Variants in CYRIA observed in about 807,000 individuals in gnomAD.
CYRIA encodes the protein CYFIP related Rac1 interactor A.
CYRIA carries 15 observed loss-of-function variants against 43.9 expected under a neutral mutation model. The observed-to-expected ratio is 0.34, with a 90% confidence interval of 0.23 to 0.53. The LOEUF is 0.53. Ranked by LOEUF, CYRIA falls within the 20% of genes least tolerant of loss-of-function variation. CYRIA has a pLI of 0.94. For missense variants in CYRIA, 236 were observed against 394.2 expected (o/e 0.60, Z 3.40); for synonymous variants, 117 against 136.0 (o/e 0.86, Z 0.97).
At chr2:16,585,566 C>T (rs957233797) in intron 3 of CYRIA, among the ~76,000 whole-genome samples, 1 of 152,080 alleles carries the variant, frequency 6.6e-6, no homozygotes, top group Non-Finnish European at 1.5e-5. Context: ...GCTCTAGCCC[C>T]AGTAATAAGC....
At chr2:16,560,785 C>A (rs1201403932) in intron 9 of CYRIA, 3 of 582,634 alleles carry the variant, frequency 5.1e-6, no homozygotes, top group African/African-American at 1.9e-5. Flanking sequence ...GGAAGTCAGT[C>A]AACCACTTTG....
intron 11 of CYRIA, among the ~76,000 whole-genome samples, chr2:16,553,339 G>C (rs1490606694): frequency 2.6e-5 from 4 of 152,216 alleles, no homozygotes; most frequent in East Asian, 1.9e-4. Context: ...TTTCAGAATA[G>C]AGATTTGCAT....
At chr2:16,573,588 G>C (rs1292718321) in intron 3 of CYRIA, among the ~76,000 whole-genome samples, 1 of 152,220 alleles carries the variant, frequency 6.6e-6, no homozygotes, top group Non-Finnish European at 1.5e-5. Context: ...GATTTCCCAC[G>C]TGTTGTGGGA....
At chr2:16,633,560 TTTTTTTTTTTTTC>T (rs898479516) in intron 1 of CYRIA, among the ~76,000 whole-genome samples, 4 of 102,438 alleles carry the variant, frequency 3.9e-5, no homozygotes, top group African/African-American at 1.1e-4. Flanking sequence ...TTTTTTTTTT[TTTTTTTTTTTTTC>T]TGTAGAGAAG....
intron 1 of CYRIA, among the ~76,000 whole-genome samples, chr2:16,660,604 C>A (rs1670227936): frequency 6.6e-6 from 1 of 152,196 alleles, no homozygotes; most frequent in Admixed American, 6.5e-5. Context: ...CAACACAGAG[C>A]AAGAACCCAC....
intron 3 of CYRIA, among the ~76,000 whole-genome samples, chr2:16,585,869 T>C (rs1667712945): frequency 6.6e-6 from 1 of 152,148 alleles, no homozygotes; most frequent in Non-Finnish European, 1.5e-5. Flanking sequence ...AATCTGATGC[T>C]CAGGAGAATA....
At chr2:16,598,285 C>A (rs1387612498) in intron 2 of CYRIA, among the ~76,000 whole-genome samples, 4 of 80,754 alleles carry the variant, frequency 5.0e-5, no homozygotes, top group African/African-American at 7.1e-5. Context: ...GCCTGCCTTG[C>A]TAGATTGGGG....
At chr2:16,601,672 T>C (rs1324374479) in intron 2 of CYRIA, among the ~76,000 whole-genome samples, 3 of 148,612 alleles carry the variant, frequency 2.0e-5, no homozygotes, top group Non-Finnish European at 4.4e-5. Context: ...AAACCATGAC[T>C]CTCTTTAAGA....
At chr2:16,648,857 A>G (rs1217501733) in intron 1 of CYRIA, among the ~76,000 whole-genome samples, 1 of 152,206 alleles carries the variant, frequency 6.6e-6, no homozygotes, top group Non-Finnish European at 1.5e-5. Flanking sequence ...ATATTTCCCA[A>G]TAAATATTGA....
At chr2:16,645,090 C>G (rs1179682167) in intron 1 of CYRIA, among the ~76,000 whole-genome samples, 1 of 152,196 alleles carries the variant, frequency 6.6e-6, no homozygotes, top group Non-Finnish European at 1.5e-5. Context: ...GTTTCAGGGA[C>G]AATCCATAGG....
chr2:16,642,234 T>C (rs1429675449), intron 1 of CYRIA, among the ~76,000 whole-genome samples: 1 of 152,164 alleles, frequency 6.6e-6, no homozygotes, highest in Non-Finnish European at 1.5e-5. Context: ...TACACTCCAA[T>C]GCCTAACTCA....
chr2:16,636,254 T>C (rs1455967463), intron 1 of CYRIA, among the ~76,000 whole-genome samples: 1 of 152,058 alleles, frequency 6.6e-6, no homozygotes, highest in Non-Finnish European at 1.5e-5. Flanking sequence ...TCCCTGAAGA[T>C]CTGAATCTGA....
chr2:16,607,692 G>A (rs1668456064), intron 2 of CYRIA, among the ~76,000 whole-genome samples: 1 of 152,234 alleles, frequency 6.6e-6, no homozygotes, highest in South Asian at 2.1e-4. Flanking sequence ...AGGTTCCCGG[G>A]TTCAAGCGAT....
chr2:16,600,685 TA>T (rs1190801376), intron 2 of CYRIA, among the ~76,000 whole-genome samples: 2 of 152,224 alleles, frequency 1.3e-5, no homozygotes, highest in Non-Finnish European at 2.9e-5. Context: ...TAATTATAGT[TA>T]TTACTACTAT....
At chr2:16,607,680 C>G (rs1282919954) in intron 2 of CYRIA, among the ~76,000 whole-genome samples, 1 of 152,064 alleles carries the variant, frequency 6.6e-6, no homozygotes, top group Non-Finnish European at 1.5e-5. Context: ...CCTCTGCCTC[C>G]CAGGTTCCCG....
intron 1 of CYRIA, among the ~76,000 whole-genome samples, chr2:16,633,719 C>T (rs1158732980): frequency 6.6e-6 from 1 of 152,020 alleles, no homozygotes; most frequent in Non-Finnish European, 1.5e-5. Flanking sequence ...CATCAATCTC[C>T]TAACTGGTTT....
intron 2 of CYRIA, among the ~76,000 whole-genome samples, chr2:16,614,584 G>A (rs1668716961): frequency 6.6e-6 from 1 of 152,162 alleles, no homozygotes; most frequent in Non-Finnish European, 1.5e-5. Context: ...AGCACTGTTT[G>A]GGCTATTTCT....
chr2:16,643,599 T>G lies in CYRIA; in HGVS notation c.-166-19580A>C, dbSNP rs79732147. 6.1e-3 allele frequency among the ~76,000 whole-genome samples: 936 copies of G among 152,338 alleles called. 5 individuals carry two copies. The highest frequency in any genetic ancestry group is 0.023 in the East Asian group (119 of 5,184). On this transcript the variant is annotated intron_variant, in intron 1 of 11. Coordinates refer to ENST00000381323, the MANE Select transcript of CYRIA (RefSeq NM_030797.4). The stretch of plus-strand genomic sequence containing the variant: ...TACACGTTCCCTCTTCAATTTTGTT[T>G]GCATTACACATATATTCACACCTTT...
At chr2:16,588,178 T>C in intron 2 of CYRIA, 49 bp from the exon 3 acceptor site, 2 of 1,268,024 alleles carry the variant, frequency 1.6e-6, no homozygotes, top group South Asian at 2.7e-5. Flanking sequence ...ATAAAAAAAA[T>C]AGACTTGCGT....
Sources: allele counts gnomAD v4.1 joint callset (sites outside exome capture counted in the v4.1 genomes callset), GRCh38; gene constraint gnomAD v4.1.1; transcripts MANE v1.5; gene names NCBI Gene and HGNC (gene_info 2026-07-23, HGNC 2026-07-21).